Variants in BRWD3 observed in about 807,000 individuals in gnomAD.
BRWD3 encodes bromodomain and WD repeat domain containing 3.
BRWD3 carries 10 observed loss-of-function variants against 149.7 expected under a neutral mutation model. The observed-to-expected ratio is 0.07, with a 90% CI of 0.04 to 0.11. The LOEUF is 0.11. Among genes scored for constraint, BRWD3 ranks in the 10% least tolerant of loss-of-function variants. The probability of loss-of-function intolerance (pLI) is 1.00; values close to 1 mark genes in which losing one functional copy is unlikely to be tolerated. For synonymous variants in BRWD3, 504 were observed against 456.7 expected, an observed-to-expected ratio of 1.10 and a Z score of -1.32; for missense variants, 940 against 1,373.2, an observed-to-expected ratio of 0.68 and a Z score of 4.99.
intron 6 of BRWD3, among the ~76,000 whole-genome samples, chrX:80,768,725 T>C (rs1410143639): frequency 9.0e-6 from 1 of 111,003 alleles, no homozygotes; most frequent in African/African-American, 3.3e-5. Flanking sequence ...AATTCACATA[T>C]AACAATATTA....
chrX:80,759,448 T>C (rs1344024483), intron 6 of BRWD3, among the ~76,000 whole-genome samples: 3 of 112,194 alleles, frequency 2.7e-5, no homozygotes, highest in African/African-American at 9.7e-5. Flanking sequence ...TTGGGCCTCT[T>C]AAAGCAAGTA....
chrX:80,713,615 T>G (rs1007706785), intron 20 of BRWD3, among the ~76,000 whole-genome samples: 1 of 110,147 alleles, frequency 9.1e-6, no homozygotes, highest in Admixed American at 9.6e-5. Flanking sequence ...GTTTATCTGC[T>G]GACCTTCCCT....
intron 6 of BRWD3, among the ~76,000 whole-genome samples, chrX:80,770,250 A>T (rs2073923082): frequency 1.8e-5 from 2 of 111,877 alleles, no homozygotes; most frequent in South Asian, 7.4e-4. Flanking sequence ...AACTCATTTT[A>T]TGAGGCCAAC....
intron 3 of BRWD3, 79 bp from the exon 4 acceptor site, chrX:80,808,677 C>A (rs2074375328): frequency 1.1e-6 from 1 of 912,767 alleles, no homozygotes; most frequent in African/African-American, 2.1e-5. Context: ...CAACTGGACC[C>A]AACCTGTGTC....
intron 27 of BRWD3, among the ~76,000 whole-genome samples, chrX:80,693,640 A>G (rs756199548): frequency 5.1e-4 from 57 of 112,051 alleles, no homozygotes; most frequent in Non-Finnish European, 8.5e-4. Flanking sequence ...AGACACTGGC[A>G]GCATTTTGCC....
intron 6 of BRWD3, among the ~76,000 whole-genome samples, chrX:80,749,307 C>T (rs2073634490): frequency 9.0e-6 from 1 of 110,615 alleles, no homozygotes; most frequent in Non-Finnish European, 1.9e-5. Context: ...GTTGCAGTGT[C>T]TCTCTCTCTC....
intron 26 of BRWD3, among the ~76,000 whole-genome samples, chrX:80,696,278 G>A (rs745336278): frequency 2.7e-5 from 3 of 110,334 alleles, no homozygotes; most frequent in Non-Finnish European, 5.7e-5. Context: ...ATCTCCTTAC[G>A]TTTTAAACTC....
intron 8 of BRWD3, among the ~76,000 whole-genome samples, chrX:80,740,820 C>A (rs746155650): frequency 8.9e-6 from 1 of 112,043 alleles, no homozygotes; most frequent in Non-Finnish European, 1.9e-5. Context: ...AACCTAAACA[C>A]AGACACACAC....
rs767037435 is a variant in BRWD3 at position 80,726,379 on chromosome X, T to G, written c.1387-1312A>C. Among the ~76,000 whole-genome samples, 401 of 110,110 alleles carry G rather than the reference T, an allele frequency of 3.6e-3. 3 individuals are homozygous for G. Among genetic ancestry groups the G allele is most frequent in the African/African-American group, 0.013 (383 of 30,387 alleles). ...ATATAACATGTTTACATGTTATATCTGTATAACATAACATGTTTACATATG... is the reference window on the plus strand; with the variant it reads ...ATATAACATGTTTACATGTTATATCGGTATAACATAACATGTTTACATATG... On this transcript the variant is annotated intron_variant, in intron 14 of 40. Transcript: ENST00000373275.
chrX:80,692,212 C>A, intron 28 of BRWD3, 62 bp from the exon 29 acceptor site: 1 of 1,035,140 alleles, frequency 9.7e-7, no homozygotes, highest in South Asian at 1.9e-5. Context: ...TCATATACTA[C>A]CACAATTTTA....
intron 27 of BRWD3, among the ~76,000 whole-genome samples, chrX:80,695,627 T>G (rs1040596571): frequency 1.8e-5 from 2 of 111,345 alleles, no homozygotes; most frequent in African/African-American, 3.3e-5. Context: ...AGAACCTAAG[T>G]GTAAAGTGCT....
chrX:80,782,678 C>T (rs1341710234), intron 6 of BRWD3, among the ~76,000 whole-genome samples: 1 of 111,119 alleles, frequency 9.0e-6, no homozygotes, highest in Non-Finnish European at 1.9e-5. Context: ...GTGGGAGGAT[C>T]ACTTGAGGCC....
chrX:80,692,588 C>A lies in BRWD3; in HGVS notation c.3263+352G>T, dbSNP rs1343557010. On this transcript the variant is annotated intron_variant, in intron 28 of 40. Transcript: ENST00000373275. ...AAGTACTAATATTCATAGCTATATT[C>A]CAGCAATAACAATTACTTTAAGTAG... 2.7e-5 allele frequency among the ~76,000 whole-genome samples: 3 copies of A among 112,029 alleles called. No homozygotes were observed. In the South Asian group the frequency reaches 1.1e-3, roughly 41 times the overall value.
chrX:80,800,625 T>C (rs1487462323), intron 4 of BRWD3, among the ~76,000 whole-genome samples: 8 of 110,600 alleles, frequency 7.2e-5, no homozygotes, highest in Non-Finnish European at 1.3e-4. Flanking sequence ...GTTTTTCTCT[T>C]TGAACATAAA....
chrX:80,747,173 C>G, intron 6 of BRWD3, among the ~76,000 whole-genome samples: 1 of 109,860 alleles, frequency 9.1e-6, no homozygotes, highest in East Asian at 2.9e-4. Context: ...GCTCTGAGTT[C>G]CTTAAAACAA....
chrX:80,777,143 AC>A (rs34424596), intron 6 of BRWD3, among the ~76,000 whole-genome samples: 174 of 101,855 alleles, frequency 1.7e-3, no homozygotes, highest in Admixed American at 3.9e-3. Flanking sequence ...CACTCTTAAG[AC>A]CCCCCCCCAC....
In BRWD3 at chrX:80,672,114, T is replaced by G. The variant is rs1393838289; in HGVS notation, c.*4495A>C. ...AAAGTCTCACATTCTAGATTTAATT[T>G]AGAAGAAATGGGCATACATGTAAAT... On this transcript the variant is annotated 3_prime_UTR_variant, in exon 41 of 41. Transcript: ENST00000373275. 1 of 110,523 alleles carries G rather than the reference T, an allele frequency of 9.0e-6. No individual in the cohort carries two copies. The highest frequency in any genetic ancestry group is 2.9e-4 in the East Asian group (1 of 3,500). 9.1% of individuals were successfully genotyped at this position (110,523 alleles called of 1,213,427 possible).
At chrX:80,766,930 T>A (rs1375106964) in intron 6 of BRWD3, among the ~76,000 whole-genome samples, 1 of 111,659 alleles carries the variant, frequency 9.0e-6, no homozygotes, top group Non-Finnish European at 1.9e-5. Context: ...TTCCCAACGG[T>A]CTTAGCAAAT....
In BRWD3 at chrX:80,710,372, ATTTTG is replaced by A; in HGVS notation, c.2326-800_2326-796del. 8.9e-6 allele frequency: 3 copies of A among 337,216 alleles called. No individual in the cohort carries two copies. In the South Asian group the frequency reaches 1.0e-4, roughly 11 times the overall value. The allele number at this position is 337,216 out of a possible 1,213,427, so 27.8% of individuals were successfully genotyped here. On this transcript the variant is annotated intron_variant, in intron 20 of 40. Coordinates refer to ENST00000373275, the MANE Select transcript of BRWD3 (RefSeq NM_153252.5). ...TTCCAAACCTGGTCATCTGCTGACT[ATTTTG>A]ACTACAGAGCTACGTCCACTGGGGC...
Sources: gnomAD v4.1 joint callset for allele counts (sites outside exome capture counted in the v4.1 genomes callset) on GRCh38, gnomAD v4.1.1 for gene constraint, MANE v1.5 for transcripts, NCBI Gene and HGNC (gene_info 2026-07-23, HGNC 2026-07-21) for gene names.